ANKFN1: variants seen among roughly 807,000 people sequenced by gnomAD.
The protein encoded by ANKFN1 is ankyrin repeat and fibronectin type-III domain-containing protein 1.
In ANKFN1, 74 loss-of-function variants were observed where a neutral mutation model predicts 108.7. The observed-to-expected ratio is 0.68, with a 90% CI of 0.56 to 0.83. The LOEUF (loss-of-function observed/expected upper bound fraction) is 0.83. Among genes scored for constraint, ANKFN1 ranks in the 40% least tolerant of loss-of-function variants. The pLI, the probability that ANKFN1 is intolerant of heterozygous loss-of-function variation, is 0.00. For synonymous variants in ANKFN1, 547 were observed against 516.2 expected (o/e 1.06, Z -0.81); for missense variants, 1,505 against 1,382.3 (o/e 1.09, Z -1.41).
chr17:56,372,066 A>G (rs2046825542), intron 6 of ANKFN1, among the ~76,000 whole-genome samples: 1 of 152,192 alleles, frequency 6.6e-6, no homozygotes. Context: ...CAGTAGCGGA[A>G]CTCTTTGTAA....
intron 1 of ANKFN1, chr17:56,195,203 G>A (rs1317228097): frequency 6.6e-6 from 1 of 152,152 alleles, no homozygotes; most frequent in Non-Finnish European, 1.5e-5. Context: ...GAAGTTGAAT[G>A]GCTTTTTTGG....
At chr17:56,292,054 C>G (rs1321455895) in intron 3 of ANKFN1, among the ~76,000 whole-genome samples, 13 of 152,166 alleles carry the variant, frequency 8.5e-5, no homozygotes, top group Non-Finnish European at 1.8e-4. Context: ...ATAGGAGAGC[C>G]AATCAGGTGG....
intron 3 of ANKFN1, among the ~76,000 whole-genome samples, chr17:56,250,511 T>C (rs2043209616): frequency 6.6e-6 from 1 of 152,260 alleles, no homozygotes; most frequent in African/African-American, 2.4e-5. Context: ...GGGAGCTTGA[T>C]ATTAATATTG....
chr17:56,427,681 T>G (rs182189168), intron 8 of ANKFN1, among the ~76,000 whole-genome samples: 177 of 152,138 alleles, frequency 1.2e-3, no homozygotes, highest in African/African-American at 4.2e-3. Context: ...AAGTCCAATA[T>G]CTCACAGACT....
intron 6 of ANKFN1, among the ~76,000 whole-genome samples, chr17:56,364,455 T>C (rs1160618052): frequency 6.6e-6 from 1 of 152,230 alleles, no homozygotes; most frequent in Non-Finnish European, 1.5e-5. Context: ...TTGTCATTAC[T>C]AGGAAATTTT....
rs61494269 is a variant in ANKFN1 at position 56,332,979 on chromosome 17, G to GTATATATATATA, written c.188+6634_188+6645dup. Among the ~76,000 whole-genome samples the GTATATATATATA allele has an allele frequency of 1.1e-3, 163 of 147,818 alleles. 1 individual carries two copies. The highest frequency in any genetic ancestry group is 7.1e-3 in the Middle Eastern group (2 of 282). On this transcript the variant is annotated intron_variant, in intron 4 of 20. Transcript: ENST00000682825. Reference sequence around the variant, plus strand: ...ATGAACAAGGTGTGTATATATGTGTGTATATATATATATATATATATCTTC... The same window carrying GTATATATATATA: ...ATGAACAAGGTGTGTATATATGTGTGTATATATATATATATATATATATATATATATATCTTC...
intron 8 of ANKFN1, among the ~76,000 whole-genome samples, chr17:56,410,201 G>A (rs1057032078): frequency 5.9e-5 from 9 of 152,032 alleles, no homozygotes; most frequent in Admixed American, 1.3e-4. Context: ...TTCTCCTCCC[G>A]AGTAACTGGG....
intron 4 of ANKFN1, among the ~76,000 whole-genome samples, chr17:56,085,205 A>ATC (rs1223118096): frequency 7.8e-6 from 1 of 128,382 alleles, no homozygotes; most frequent in Non-Finnish European, 1.7e-5. Flanking sequence ...ATATATATAT[A>ATC]TATCTCCACA....
rs200028688 is a variant in ANKFN1 at position 56,339,681 on chromosome 17, C to T, written c.189-11085C>T. 3.9e-5 allele frequency among the ~76,000 whole-genome samples: 6 copies of T among 152,170 alleles called. No individual in the cohort carries two copies. In the East Asian group the frequency reaches 1.2e-3, roughly 29 times the overall value. On this transcript the variant is annotated intron_variant, in intron 4 of 20. Coordinates refer to ENST00000682825, the MANE Select transcript of ANKFN1 (RefSeq NM_001370326.1). ...ATAGTATTCCATGTTATATGTGTAC[C>T]ACATATTCCTTATTCAGTCTATCAT...
At chr17:56,166,946 T>C (rs890200964) in intron 1 of ANKFN1, among the ~76,000 whole-genome samples, 6 of 152,140 alleles carry the variant, frequency 3.9e-5, no homozygotes, top group African/African-American at 1.2e-4. Flanking sequence ...TGTCATGAGA[T>C]AAATCATTGA....
chr17:56,302,263 G>A (rs990910344), intron 3 of ANKFN1, among the ~76,000 whole-genome samples: 3 of 152,136 alleles, frequency 2.0e-5, no homozygotes, highest in Admixed American at 6.5e-5. Context: ...AAAGAAAAAT[G>A]CCGGTAATCC....
intron 1 of ANKFN1, among the ~76,000 whole-genome samples, chr17:56,165,470 A>T (rs1031858626): frequency 1.3e-5 from 2 of 152,192 alleles, no homozygotes; most frequent in African/African-American, 2.4e-5. Flanking sequence ...TGCCAAAAGG[A>T]TTCAAATAAA....
intron 4 of ANKFN1, among the ~76,000 whole-genome samples, chr17:56,074,255 A>G (rs1437554533): frequency 6.6e-6 from 1 of 152,192 alleles, no homozygotes; most frequent in Non-Finnish European, 1.5e-5. Flanking sequence ...TCCTGTAGGC[A>G]TGTCAACTCA....
intron 4 of ANKFN1, among the ~76,000 whole-genome samples, chr17:56,143,968 T>C (rs2143406067): frequency 6.6e-6 from 1 of 152,174 alleles, no homozygotes; most frequent in East Asian, 1.9e-4. Flanking sequence ...TGGAGGCTTT[T>C]TCAAGCCACC....
chr17:56,495,396 G>A (rs1046127974), intron 19 of ANKFN1, among the ~76,000 whole-genome samples: 1 of 151,958 alleles, frequency 6.6e-6, no homozygotes, highest in African/African-American at 2.4e-5. Context: ...TCACCCATTG[G>A]TGTTCACAGC....
intron 4 of ANKFN1, among the ~76,000 whole-genome samples, chr17:56,120,254 G>A (rs1906532624): frequency 6.6e-6 from 1 of 152,058 alleles, no homozygotes; most frequent in South Asian, 2.1e-4. Flanking sequence ...GGCTTACACT[G>A]CTTTACTTGA....
chr17:56,108,297 G>C (rs1020256896), intron 4 of ANKFN1, among the ~76,000 whole-genome samples: 3 of 152,194 alleles, frequency 2.0e-5, no homozygotes, highest in Admixed American at 1.3e-4. Flanking sequence ...GCCTCCCAAA[G>C]TGCTGGGATT....
chr17:56,360,750 A>G (rs1383294663), intron 6 of ANKFN1, among the ~76,000 whole-genome samples: 1 of 152,206 alleles, frequency 6.6e-6, no homozygotes, highest in African/African-American at 2.4e-5. Context: ...ACCTAAGTTC[A>G]TGTCACCTAT....
intron 16 of ANKFN1, among the ~76,000 whole-genome samples, chr17:56,479,487 G>A (rs1316302910): frequency 1.5e-4 from 23 of 152,184 alleles, no homozygotes; most frequent in Admixed American, 1.5e-3. Flanking sequence ...GATTGAAGTA[G>A]GATTTAATTT....
Sources: allele counts gnomAD v4.1 joint callset (sites outside exome capture counted in the v4.1 genomes callset), GRCh38; gene constraint gnomAD v4.1.1; transcripts MANE v1.5; gene names NCBI Gene and HGNC (gene_info 2026-07-23, HGNC 2026-07-21).